BRCA1: variants seen among roughly 807,000 people sequenced by gnomAD.
The protein encoded by BRCA1 is breast cancer type 1 susceptibility protein.
Under a neutral mutation model 173.7 loss-of-function variants are expected in BRCA1, and 140 were observed. The ratio of observed to expected loss-of-function variants is 0.81; its 90% CI spans 0.70 to 0.93. The LOEUF is 0.93. BRCA1 is among the 40% of genes least tolerant of loss of function. BRCA1 has a pLI of 0.00. For missense variants in BRCA1, 1,983 were observed against 2,172.5 expected (o/e 0.91, Z 1.73); for synonymous variants, 662 against 756.0 (o/e 0.88, Z 2.04).
chr17:43,116,235 A>C (rs1399985982), intron 2 of BRCA1, among the ~76,000 whole-genome samples: 3 of 152,132 alleles, frequency 2.0e-5, no homozygotes, highest in Non-Finnish European at 4.4e-5. Flanking sequence ...TAATATGGAA[A>C]ATTTCAAGTA....
At chr17:43,089,225 G>A (rs954591008) in intron 11 of BRCA1, among the ~76,000 whole-genome samples, 2 of 152,004 alleles carry the variant, frequency 1.3e-5, no homozygotes, top group African/African-American at 2.4e-5. Flanking sequence ...GCTGAAGCAC[G>A]AAAATCACTT....
chr17:43,052,196 A>G (rs2051269621), intron 19 of BRCA1, among the ~76,000 whole-genome samples: 1 of 152,224 alleles, frequency 6.6e-6, no homozygotes, highest in East Asian at 1.9e-4. Flanking sequence ...ATCTATGCTA[A>G]TAAGGTAGCC....
chr17:43,080,682 G>A (rs1319138499), intron 12 of BRCA1, among the ~76,000 whole-genome samples: 1 of 151,938 alleles, frequency 6.6e-6, no homozygotes, highest in Non-Finnish European at 1.5e-5. Flanking sequence ...GGTGGTGGAC[G>A]CCTATAGTCC....
intron 3 of BRCA1, among the ~76,000 whole-genome samples, chr17:43,114,024 G>A (rs61033980): frequency 2.0e-5 from 3 of 149,924 alleles, no homozygotes; most frequent in Non-Finnish European, 3.0e-5. Flanking sequence ...GCAGTGAGCC[G>A]AGATCACACC....
At chr17:43,090,692 A>C (rs534759528) in intron 11 of BRCA1, among the ~76,000 whole-genome samples, 2 of 152,256 alleles carry the variant, frequency 1.3e-5, no homozygotes, top group African/African-American at 4.8e-5. Context: ...TAAAATCAGT[A>C]TTTAGTATGC....
At chr17:43,120,237 C>T (rs762639544) in intron 2 of BRCA1, among the ~76,000 whole-genome samples, 2 of 152,152 alleles carry the variant, frequency 1.3e-5, no homozygotes, top group African/African-American at 2.4e-5. Context: ...GAAATAGCTG[C>T]CAATATTGAC....
At chr17:43,155,118 C>G (rs1473798785) in intron 1 of BRCA1, among the ~76,000 whole-genome samples, 1 of 152,030 alleles carries the variant, frequency 6.6e-6, no homozygotes, top group Admixed American at 6.5e-5. Context: ...TAGCTGGTAA[C>G]TTTTGGTAGG....
chr17:43,057,135 G>A lies in BRCA1; in HGVS notation c.5194C>T (p.His1732Tyr), dbSNP rs2051531560. ...SIKERKMLNE[H>Y]DFEVRGDVVN... is the part of the protein sequence containing the mutation. ...ACATCTCCTCTGACTTCAAAATCATGCTGAAAGAAACCAAACACAACCCAT... is the reference window on the plus strand; with the variant it reads ...ACATCTCCTCTGACTTCAAAATCATACTGAAAGAAACCAAACACAACCCAT... The change falls in exon 19 of 23, where the codon CAT becomes TAT. Residue 1732 changes from histidine (H) to tyrosine (Y), a missense_variant and splice_region_variant. Physicochemically the swap from His to Tyr is moderately conservative, Grantham distance 83. Coordinates refer to ENST00000357654, the MANE Select transcript of BRCA1 (RefSeq NM_007294.4). The A allele has an allele frequency of 6.2e-7, 1 of 1,613,752 alleles. No homozygotes were observed. The highest frequency in any genetic ancestry group is 8.5e-7 in the Non-Finnish European group (1 of 1,179,750).
At chr17:43,111,603 C>G (rs900692231) in intron 3 of BRCA1, among the ~76,000 whole-genome samples, 2 of 151,320 alleles carry the variant, frequency 1.3e-5, no homozygotes, top group Non-Finnish European at 1.5e-5. Context: ...GGGCAGATCA[C>G]GAGGTCAGGA....
intron 19 of BRCA1, among the ~76,000 whole-genome samples, chr17:43,056,174 C>CTT (rs398058724): frequency 1.0e-4 from 14 of 139,894 alleles, no homozygotes; most frequent in African/African-American, 1.8e-4. Flanking sequence ...ATAAAGTGAT[C>CTT]TTTTTTTTTT....
rs937158659 is a variant in BRCA1 at position 43,045,083 on chromosome 17, C to G, written c.*595G>C. 1.9e-6 allele frequency: 1 copy of G among 526,008 alleles called. No homozygotes were observed. Among genetic ancestry groups the G allele is most frequent in the Admixed American group, 2.2e-5 (1 of 44,744 alleles). The allele number at this position is 526,008 out of a possible 1,614,324, so 32.6% of individuals were successfully genotyped here. A position where few individuals can be genotyped will look rare whatever the true frequency, so the allele number is the denominator to read the frequency against. ...CCTCCCAAAGTGCTGGGATTACAGG[C>G]GTGAGCCACCATGCCCAGGTTTCAA... On this transcript the variant is annotated 3_prime_UTR_variant, in exon 23 of 23. Coordinates refer to ENST00000357654, the MANE Select transcript of BRCA1 (RefSeq NM_007294.4).
upstream of BRCA1, among the ~76,000 whole-genome samples, chr17:43,127,661 C>T (rs376189677): frequency 2.0e-5 from 3 of 152,130 alleles, no homozygotes; most frequent in African/African-American, 7.2e-5. Flanking sequence ...CCTGTCAAAA[C>T]GGACCAATTA....
chr17:43,092,184 ACTT>A lies in BRCA1; in HGVS notation c.3344_3346del (p.Glu1115del), dbSNP rs80358336. 6.8e-6 allele frequency: 11 copies of A among 1,613,056 alleles called. No homozygotes were observed. Among genetic ancestry groups the A allele is most frequent in the African/African-American group, 1.3e-5 (1 of 74,916 alleles). ...GAAATCTGTATTAACAGTCTGAACT[ACTT>A]CTTCATATTCTTGCTTTTTTATTTC... is the stretch of plus-strand genomic sequence containing the variant. On this transcript the variant is annotated inframe_deletion, in exon 10 of 23. Coordinates refer to ENST00000357654, the MANE Select transcript of BRCA1 (RefSeq NM_007294.4).
intron 1 of BRCA1, among the ~76,000 whole-genome samples, chr17:43,134,175 G>A (rs75642298): frequency 6.6e-6 from 1 of 152,086 alleles, no homozygotes. Flanking sequence ...AATGTAAGGG[G>A]TTTTTTTCCC....
At chr17:43,111,592 C>CG (rs2055037933) in intron 3 of BRCA1, among the ~76,000 whole-genome samples, 1 of 151,538 alleles carries the variant, frequency 6.6e-6, no homozygotes, top group African/African-American at 2.4e-5. Context: ...GAGGCCAAGG[C>CG]GGGCAGATCA....
chr17:43,067,475 C>T (rs1053744651), intron 16 of BRCA1, 133 bp downstream of exon 16: 5 of 691,592 alleles, frequency 7.2e-6, no homozygotes, highest in East Asian at 2.9e-5. Flanking sequence ...AGGATGGTCT[C>T]GATCTCCTAA....
At chr17:43,065,668 TCAAAAA>T (rs1215749613) in intron 16 of BRCA1, among the ~76,000 whole-genome samples, 3 of 151,966 alleles carry the variant, frequency 2.0e-5, no homozygotes, top group East Asian at 1.9e-4. Context: ...AAACTACACC[TCAAAAA>T]CAAAAACAAA....
At chr17:43,131,379 A>C in intron 1 of BRCA1, 1 of 349,156 alleles carries the variant, frequency 2.9e-6, no homozygotes. Flanking sequence ...TTTGTGTCTC[A>C]AAATAATAAT....
rs80357500 is a variant in BRCA1, at chr17:43,091,587, G to C, written c.3944C>G (p.Pro1315Arg). 2 of 1,614,084 alleles carry C rather than the reference G, an allele frequency of 1.2e-6. No individual in the cohort carries two copies. The highest frequency in any genetic ancestry group is 1.3e-5 in the African/African-American group (1 of 74,936). ...TTGTTTGGAAGAACCAATCAAGAAA[G>C]GATCCTGGGTGTTTGTATTTGCAGT... ...DLTANTNTQD[P>R]FLIGSSKQMR... is the part of the protein sequence containing the mutation. The change falls in exon 10 of 23, where the codon CCT becomes CGT. Residue 1315 changes from proline to arginine, a missense_variant. Transcript: ENST00000357654.
Sources: allele counts gnomAD v4.1 joint callset (sites outside exome capture counted in the v4.1 genomes callset), GRCh38; gene constraint gnomAD v4.1.1; transcripts MANE v1.5; gene names NCBI Gene and HGNC (gene_info 2026-07-23, HGNC 2026-07-21).